LRRC4C: variants seen among roughly 807,000 people sequenced by gnomAD.
The protein encoded by LRRC4C is leucine rich repeat containing 4C, also known as leucine-rich repeat-containing protein 4C.
LRRC4C carries 5 observed loss-of-function variants against 33.6 expected under a neutral mutation model. The ratio of observed to expected loss-of-function variants is 0.15; its 90% confidence interval spans 0.08 to 0.31. The LOEUF (loss-of-function observed/expected upper bound fraction) is 0.31. Ranked by LOEUF, LRRC4C falls within the 10% of genes least tolerant of loss-of-function variation. The pLI is 1.00. For missense variants in LRRC4C, 560 were observed against 796.7 expected (o/e 0.70, Z 3.58); for synonymous variants, 329 against 302.0 (o/e 1.09, Z -0.93).
chr11:40,382,733 G>A (rs1263465175), intron 3 of LRRC4C, among the ~76,000 whole-genome samples: 4 of 114,486 alleles, frequency 3.5e-5, no homozygotes, highest in African/African-American at 1.0e-4. Context: ...TCGCTCTGTC[G>A]CCCAGGCTGG....
intron 1 of LRRC4C, among the ~76,000 whole-genome samples, chr11:41,138,389 T>C (rs1475209852): frequency 2.6e-5 from 4 of 152,166 alleles, no homozygotes; most frequent in Non-Finnish European, 5.9e-5. Flanking sequence ...TGGTCTCTAG[T>C]ACACTAGACA....
intron 2 of LRRC4C, among the ~76,000 whole-genome samples, chr11:40,741,357 A>G (rs1591601556): frequency 1.3e-5 from 2 of 152,036 alleles, no homozygotes; most frequent in East Asian, 3.9e-4. Context: ...TTACTATTCT[A>G]ATCTCCAACA....
chr11:40,992,050 C>A (rs1853613376), intron 1 of LRRC4C, among the ~76,000 whole-genome samples: 1 of 152,158 alleles, frequency 6.6e-6, no homozygotes, highest in Non-Finnish European at 1.5e-5. Context: ...TTGAAATTAA[C>A]CTTTTAAAAA....
intron 1 of LRRC4C, 133 bp downstream of exon 1, chr11:41,459,298 C>T (rs1030849653): frequency 6.6e-6 from 1 of 152,104 alleles, no homozygotes; most frequent in Admixed American, 6.6e-5. Flanking sequence ...AAATGCCACA[C>T]ACTGAGTTCT....
intron 1 of LRRC4C, among the ~76,000 whole-genome samples, chr11:41,018,907 G>A (rs1312447628): frequency 6.6e-6 from 1 of 152,014 alleles, no homozygotes; most frequent in Non-Finnish European, 1.5e-5. Flanking sequence ...CAATTTATAT[G>A]CTGTAAAATT....
At chr11:40,131,539 T>C (rs1163565333) in intron 6 of LRRC4C, among the ~76,000 whole-genome samples, 1 of 152,154 alleles carries the variant, frequency 6.6e-6, no homozygotes, top group Non-Finnish European at 1.5e-5. Context: ...TTGTTGCAGA[T>C]TTCTAGCTGC....
chr11:41,315,851 C>T (rs996071569), intron 1 of LRRC4C, among the ~76,000 whole-genome samples: 1 of 152,170 alleles, frequency 6.6e-6, no homozygotes, highest in African/African-American at 2.4e-5. Flanking sequence ...CATGTCTCCA[C>T]ACAGTGAGAG....
At chr11:41,080,534 G>A (rs1054981416) in intron 1 of LRRC4C, among the ~76,000 whole-genome samples, 19 of 151,740 alleles carry the variant, frequency 1.3e-4, no homozygotes, top group Admixed American at 1.2e-3. Flanking sequence ...TGTATTTTTA[G>A]TAGAGACGGA....
intron 1 of LRRC4C, among the ~76,000 whole-genome samples, chr11:40,934,731 C>A (rs1957793575): frequency 1.3e-5 from 2 of 152,194 alleles, no homozygotes; most frequent in Admixed American, 6.6e-5. Flanking sequence ...AGTAGACTAA[C>A]TCCCATCAAG....
intron 3 of LRRC4C, among the ~76,000 whole-genome samples, chr11:40,461,887 A>G (rs149636425): frequency 1.1e-4 from 17 of 151,918 alleles, no homozygotes; most frequent in African/African-American, 4.1e-4. Flanking sequence ...GGTTTATAAT[A>G]AGCATAGTTA....
intron 1 of LRRC4C, among the ~76,000 whole-genome samples, chr11:41,096,436 A>G (rs1388748513): frequency 2.6e-5 from 4 of 152,168 alleles, no homozygotes; most frequent in Non-Finnish European, 5.9e-5. Context: ...AAGCCAGGAG[A>G]CCAGTCATCA....
At chr11:40,599,138 C>G (rs902769664) in intron 3 of LRRC4C, among the ~76,000 whole-genome samples, 1 of 152,040 alleles carries the variant, frequency 6.6e-6, no homozygotes, top group African/African-American at 2.4e-5. Flanking sequence ...CATGTTACAG[C>G]TCAAATGTCC....
intron 2 of LRRC4C, among the ~76,000 whole-genome samples, chr11:40,800,778 GA>G (rs529252421): frequency 2.2e-3 from 324 of 150,238 alleles, no homozygotes; most frequent in African/African-American, 7.5e-3. Context: ...TCTTTCAGAA[GA>G]AAAAAAAAGC....
intron 2 of LRRC4C, among the ~76,000 whole-genome samples, chr11:40,789,536 T>C (rs184742873): frequency 1.3e-5 from 2 of 152,276 alleles, no homozygotes; most frequent in African/African-American, 2.4e-5. Context: ...CCTCACTAAG[T>C]CAATAAGATT....
chr11:40,387,684 C>T (rs1244707761), intron 3 of LRRC4C, among the ~76,000 whole-genome samples: 2 of 152,254 alleles, frequency 1.3e-5, no homozygotes, highest in Admixed American at 6.5e-5. Context: ...TCAAAAGAGA[C>T]AGTGCACATG....
intron 2 of LRRC4C, among the ~76,000 whole-genome samples, chr11:40,869,319 A>C (rs545951558): frequency 6.6e-6 from 1 of 152,282 alleles, no homozygotes; most frequent in African/African-American, 2.4e-5. Context: ...TGTTTACAGC[A>C]GGTAGTCAGG....
In LRRC4C at chr11:41,300,470, C is replaced by T. The variant is rs116904010; in HGVS notation, c.-496+158961G>A. On this transcript the variant is annotated intron_variant, in intron 1 of 6. Transcript: ENST00000528697. The stretch of plus-strand genomic sequence containing the variant: ...TCCTCTCAGAAGGAAGAAATCAAAA[C>T]TTTCTCACAGATTCTACCACAGGTC... Among the ~76,000 whole-genome samples, 329 of 152,254 alleles carry T rather than the reference C, an allele frequency of 2.2e-3. 8 individuals carry two copies. In the East Asian group the frequency reaches 0.052, roughly 24 times the overall value.
intron 1 of LRRC4C, among the ~76,000 whole-genome samples, chr11:40,984,383 GAA>G (rs1305533603): frequency 3.4e-4 from 28 of 82,824 alleles, no homozygotes; most frequent in African/African-American, 1.2e-3. Context: ...AAGAAAGAAA[GAA>G]AGAAAGAAAG....
At chr11:41,232,103 C>T (rs969148768) in intron 1 of LRRC4C, among the ~76,000 whole-genome samples, 3 of 151,842 alleles carry the variant, frequency 2.0e-5, no homozygotes, top group African/African-American at 7.3e-5. Context: ...TTCCCCTTGC[C>T]CCTTGGACTC....
Sources: allele counts gnomAD v4.1 joint callset (sites outside exome capture counted in the v4.1 genomes callset), GRCh38; gene constraint gnomAD v4.1.1; transcripts MANE v1.5; gene names NCBI Gene and HGNC (gene_info 2026-07-23, HGNC 2026-07-21).